HPS4: variants seen among roughly 807,000 people sequenced by gnomAD.
The protein encoded by HPS4 is BLOC-3 complex member HPS4.
In HPS4, 44 loss-of-function variants were observed where a neutral mutation model predicts 70.3. That is an observed-to-expected ratio of 0.63 (90% CI 0.49 to 0.80). HPS4 has a LOEUF of 0.80. Among genes scored for constraint, HPS4 ranks in the 30% least tolerant of loss-of-function variants. The probability of loss-of-function intolerance (pLI) is 0.00; values close to 1 mark genes in which losing one functional copy is unlikely to be tolerated. For synonymous variants in HPS4, 377 were observed against 355.9 expected (o/e 1.06, Z -0.67); for missense variants, 873 against 884.4 (o/e 0.99, Z 0.16).
chr22:26,445,277 T>G (rs547732025), intron 3 of HPS4, among the ~76,000 whole-genome samples: 10 of 152,160 alleles, frequency 6.6e-5, no homozygotes, highest in African/African-American at 2.4e-4. Flanking sequence ...GGGGCTGCAG[T>G]GAGCCTAGGT....
Position 26,464,104 on chromosome 22 carries a change from C to A in HPS4, c.1526G>T (p.Ser509Ile). 6.2e-7 allele frequency: 1 copy of A among 1,614,268 alleles called. No homozygotes were observed. The highest frequency in any genetic ancestry group is 1.1e-5 in the South Asian group (1 of 91,090). ...ESHAAPGLECSSGSANCQGAG... is the reference protein window; with the variant it reads ...ESHAAPGLECISGSANCQGAG... ...ACCCTGACAGTTTGCTGAGCCTGAACTGCATTCCAGACCAGGGGCTGCGTG... is the reference window on the plus strand; with the variant it reads ...ACCCTGACAGTTTGCTGAGCCTGAAATGCATTCCAGACCAGGGGCTGCGTG... The change falls in exon 11 of 14, where the codon AGT (serine) becomes ATT (isoleucine). Residue 509 changes from serine (S) to isoleucine (I), a missense_variant. Coordinates refer to ENST00000398145, the MANE Select transcript of HPS4 (RefSeq NM_022081.6).
chr22:26,453,380 G>T lies in HPS4; in HGVS notation c.1980C>A (p.Ala660=). ...TVRNASTAVY[A]CCNPIQETYF... The stretch of plus-strand genomic sequence containing the variant: ...ATGTCTCCTGGATGGGGTTGCAACA[G>T]GCGTACACAGCCGTGGAGGCATTTC... Residue 660 remains alanine (A), a synonymous_variant, in exon 14 of 14, where the codon GCC becomes GCA. Transcript: ENST00000398145. The T allele has an allele frequency of 6.2e-7, 1 of 1,614,174 alleles. No individual in the cohort carries two copies. The highest frequency in any genetic ancestry group is 8.5e-7 in the Non-Finnish European group (1 of 1,180,046).
downstream of HPS4, among the ~76,000 whole-genome samples, chr22:26,447,900 C>T (rs528980706): frequency 2.6e-5 from 4 of 152,300 alleles, no homozygotes; most frequent in East Asian, 1.9e-4. Context: ...CCCCCACGTT[C>T]GAGGTGAGGG....
In HPS4 at chr22:26,479,268, G is replaced by C. The variant is rs1425959317; in HGVS notation, c.129C>G (p.Ser43=). 2 of 1,614,000 alleles carry C rather than the reference G, an allele frequency of 1.2e-6. No homozygotes were observed. The highest frequency in any genetic ancestry group is 1.7e-6 in the Non-Finnish European group (2 of 1,180,028). Residue 43 remains serine, a synonymous_variant, in exon 3 of 14, where the codon TCC becomes TCG. Coordinates refer to ENST00000398145, the MANE Select transcript of HPS4 (RefSeq NM_022081.6). ...AATAAAATGCTGTGTGGCTTACCTG[G>C]GAAGGATAAAAGTAACAAATGCCAG... ...TRAGICYFYP[S]QTLLDQQELL...
chr22:26,472,801 A>C (rs373113646), intron 5 of HPS4, 31 bp downstream of exon 5: 34 of 1,505,720 alleles, frequency 2.3e-5, no homozygotes, highest in Non-Finnish European at 3.1e-5. Context: ...AAAGAGGCCC[A>C]ATGTAAGACT....
intron 9 of HPS4, chr22:26,465,963 T>C: frequency 2.6e-6 from 3 of 1,149,736 alleles, no homozygotes; most frequent in Non-Finnish European, 3.7e-6. Flanking sequence ...CACAATCTCC[T>C]GGCACTTGAC....
At position 26,451,328 on chromosome 22, in the gene HPS4, TTAAG is replaced by T. The variant is rs2085169800; in HGVS notation, c.*1901_*1904del. On this transcript the variant is annotated 3_prime_UTR_variant, in exon 14 of 14. Coordinates refer to ENST00000398145, the MANE Select transcript of HPS4 (RefSeq NM_022081.6). ...TATTAAAAAACGGGAAAACAGCGGG[TTAAG>T]TGTTTCTTCTCTGCAGCCTCTGGGC... 6.6e-6 allele frequency among the ~76,000 whole-genome samples: 1 copy of T among 152,080 alleles called. No homozygotes were observed. Among genetic ancestry groups the T allele is most frequent in the South Asian group, 2.1e-4 (1 of 4,814 alleles).
Position 26,451,907 on chromosome 22 carries a change from G to C in HPS4, c.*1326C>G, listed in dbSNP as rs2085233074. 6.0e-6 allele frequency: 1 copy of C among 165,572 alleles called. No homozygotes were observed. Among genetic ancestry groups the C allele is most frequent in the Non-Finnish European group, 1.3e-5 (1 of 76,640 alleles). 10.3% of individuals were successfully genotyped at this position (165,572 alleles called of 1,614,324 possible). ...GTGCTCCCTGGAGCAGCAGGCTGCA[G>C]CCTGGCAGCCCTACAAACAGACGGT... On this transcript the variant is annotated 3_prime_UTR_variant, in exon 14 of 14. Transcript: ENST00000398145.
At chr22:26,468,907 C>A (rs1054511290) in intron 7 of HPS4, among the ~76,000 whole-genome samples, 3 of 152,094 alleles carry the variant, frequency 2.0e-5, no homozygotes, top group African/African-American at 7.2e-5. Context: ...CCAAAATGTT[C>A]ATCAACAAGA....
At chr22:26,454,601 C>A (rs894769677) in intron 13 of HPS4, among the ~76,000 whole-genome samples, 16 of 152,122 alleles carry the variant, frequency 1.1e-4, no homozygotes, top group Non-Finnish European at 1.8e-4. Context: ...TAAAGACTTA[C>A]ATGTTAGACC....
Position 26,481,737 on chromosome 22 carries a change from G to T in HPS4, c.26C>A (p.Ala9Glu). MATSTSTEAKSASWWNYFF... is the reference protein window; with the variant it reads MATSTSTEEKSASWWNYFF... ...TGTTACTCACCACGAGGCTGACTTTGCCTCTGTGGAGGTAGAGGTGGCCAT... is the reference window on the plus strand; with the variant it reads ...TGTTACTCACCACGAGGCTGACTTTTCCTCTGTGGAGGTAGAGGTGGCCAT... Residue 9 changes from alanine (A) to glutamate (E), a missense_variant, in exon 2 of 14, where the codon GCA becomes GAA. Transcript: ENST00000398145. 1 of 1,614,136 alleles carries T rather than the reference G, an allele frequency of 6.2e-7. No individual in the cohort carries two copies. Among genetic ancestry groups the T allele is most frequent in the Non-Finnish European group, 8.5e-7 (1 of 1,179,962 alleles).
At position 26,459,493 on chromosome 22, in the gene HPS4, C is replaced by A. The variant is rs1038408773; in HGVS notation, c.1714-916G>T. The stretch of plus-strand genomic sequence containing the variant: ...TCTTTAAATATTCTATCATATAATT[C>A]TTTAATGGCTGTGCAGTGTTCCTCA... On this transcript the variant is annotated intron_variant, in intron 11 of 13. Coordinates refer to ENST00000398145, the MANE Select transcript of HPS4 (RefSeq NM_022081.6). Among the ~76,000 whole-genome samples the A allele has an allele frequency of 9.9e-5, 15 of 152,188 alleles. 1 individual carries two copies. Among genetic ancestry groups the A allele is most frequent in the African/African-American group, 3.4e-4 (14 of 41,438 alleles).
chr22:26,446,538 G>C (rs552690555), downstream of HPS4, among the ~76,000 whole-genome samples: 1 of 152,090 alleles, frequency 6.6e-6, no homozygotes, highest in Non-Finnish European at 1.5e-5. Flanking sequence ...GTCCAGGCAC[G>C]GGTCTTTGTT....
Position 26,482,070 on chromosome 22 carries a change from G to A in HPS4, c.-308C>T. On this transcript the variant is annotated 5_prime_UTR_variant, in exon 2 of 14. Transcript: ENST00000398145. ...CCTCTGGTTTCCTAAGTATCACTGT[G>A]GCTGTCTGCAGAACCACCTCTTCAA... 1 of 386,876 alleles carries A rather than the reference G, an allele frequency of 2.6e-6. No homozygotes were observed. 24.0% of individuals were successfully genotyped at this position (386,876 alleles called of 1,614,324 possible).
chr22:26,465,688 G>C (rs1306795017), intron 9 of HPS4, 137 bp from the exon 10 acceptor site: 1 of 713,360 alleles, frequency 1.4e-6, no homozygotes, highest in Non-Finnish European at 2.4e-6. Context: ...CCTCAGCCAG[G>C]ACACAGGTTG....
chr22:26,466,342 A>G, intron 8 of HPS4, 80 bp from the exon 9 acceptor site: 1 of 1,518,072 alleles, frequency 6.6e-7, no homozygotes, highest in Non-Finnish European at 9.1e-7. Flanking sequence ...TTGCTGTGCC[A>G]TCTGTTCATA....
At chr22:26,459,631 C>T (rs1005274459) in intron 11 of HPS4, among the ~76,000 whole-genome samples, 2 of 152,206 alleles carry the variant, frequency 1.3e-5, no homozygotes, top group Non-Finnish European at 2.9e-5. Flanking sequence ...TGTCCCCAAA[C>T]ATTTGCAGTT....
At chr22:26,476,261 C>T (rs1212388161) in intron 4 of HPS4, 1 of 152,122 alleles carries the variant, frequency 6.6e-6, no homozygotes, top group Non-Finnish European at 1.5e-5. Flanking sequence ...TTAAGCATCC[C>T]TTTACCTCAG....
chr22:26,465,660 G>A, intron 9 of HPS4, 109 bp from the exon 10 acceptor site: 5 of 888,980 alleles, frequency 5.6e-6, no homozygotes, highest in Non-Finnish European at 9.1e-6. Flanking sequence ...GCTCGGAAAG[G>A]GGTGCTGTGA....
Sources: gnomAD v4.1 joint callset for allele counts (sites outside exome capture counted in the v4.1 genomes callset) on GRCh38, gnomAD v4.1.1 for gene constraint, MANE v1.5 for transcripts, NCBI Gene and HGNC (gene_info 2026-07-23, HGNC 2026-07-21) for gene names.